The following PCDH10 variants were observed in gnomAD, a reference collection of about 807,000 sequenced individuals.
The protein encoded by PCDH10 is protocadherin-10.
In PCDH10, 15 loss-of-function variants were observed where a neutral mutation model predicts 74.4. The observed-to-expected ratio is 0.20, with a 90% confidence interval of 0.13 to 0.31. The LOEUF is 0.31. PCDH10 is among the 10% of genes least tolerant of loss of function. PCDH10 has a pLI of 1.00. For synonymous variants in PCDH10, 619 were observed against 589.8 expected (o/e 1.05, Z -0.72); for missense variants, 1,260 against 1,390.2 (o/e 0.91, Z 1.49).
In PCDH10 at chr4:133,160,128, TATTG is replaced by T. The variant is rs530849666; in HGVS notation, c.2798-2845_2798-2842del. Among the ~76,000 whole-genome samples the T allele has an allele frequency of 3.2e-3, 486 of 152,094 alleles. 1 individual carries two copies. Among genetic ancestry groups the T allele is most frequent in the Admixed American group, 4.2e-3 (64 of 15,282 alleles). On this transcript the variant is annotated intron_variant, in intron 3 of 4. Coordinates refer to ENST00000264360, the MANE Select transcript of PCDH10 (RefSeq NM_032961.3). Reference sequence around the variant, plus strand: ...ATTTTTCTGTTACTTATCTGAAGTTTATTGATTTACTATTTACGTTGTTTTAAAT... The same window carrying T: ...ATTTTTCTGTTACTTATCTGAAGTTTATTTACTATTTACGTTGTTTTAAAT...
chr4:133,176,926 A>G (rs1037096884), intron 4 of PCDH10, among the ~76,000 whole-genome samples: 2 of 152,128 alleles, frequency 1.3e-5, no homozygotes, highest in Non-Finnish European at 2.9e-5. Flanking sequence ...GAAATAGCAT[A>G]TTATATTTGA....
intron 4 of PCDH10, among the ~76,000 whole-genome samples, chr4:133,180,144 T>C (rs1473090490): frequency 6.6e-6 from 1 of 152,078 alleles, no homozygotes; most frequent in Non-Finnish European, 1.5e-5. Context: ...TTTAAGCTCA[T>C]GTTTCACCAT....
At chr4:133,170,981 A>G (rs1727190052) in intron 4 of PCDH10, among the ~76,000 whole-genome samples, 2 of 146,146 alleles carry the variant, frequency 1.4e-5, no homozygotes, top group Admixed American at 6.8e-5. Context: ...CAGGTAGTCT[A>G]TTTTTTTTTT....
Position 133,162,973 on chromosome 4 carries a change from A to C in PCDH10, c.2798-4A>C. On this transcript the variant is annotated splice_polypyrimidine_tract_variant and splice_region_variant and intron_variant, in intron 3 of 4. Coordinates refer to ENST00000264360, the MANE Select transcript of PCDH10 (RefSeq NM_032961.3). ...CATCCGTAGTTTCTGTTTTCTGCTT[A>C]CAGGTATGGATCTCTTCTCCAATTG... 3 of 1,603,614 alleles carry C rather than the reference A, an allele frequency of 1.9e-6. No individual in the cohort carries two copies. Among genetic ancestry groups the C allele is most frequent in the Non-Finnish European group, 2.6e-6 (3 of 1,172,142 alleles).
At chr4:133,154,413 G>A (rs1726815024) in intron 2 of PCDH10, 48 bp downstream of exon 2, 3 of 1,050,806 alleles carry the variant, frequency 2.9e-6, no homozygotes, top group Non-Finnish European at 4.3e-6. Context: ...TTACAACCTA[G>A]TAAAAGTAGG....
At chr4:133,171,362 C>T (rs867123428) in intron 4 of PCDH10, among the ~76,000 whole-genome samples, 1 of 152,106 alleles carries the variant, frequency 6.6e-6, no homozygotes, top group African/African-American at 2.4e-5. Context: ...TATTTTTCAA[C>T]TAAGTTTCTT....
chr4:133,157,235 T>G (rs1246212101), intron 3 of PCDH10, among the ~76,000 whole-genome samples: 6 of 152,218 alleles, frequency 3.9e-5, no homozygotes, highest in African/African-American at 1.4e-4. Context: ...TGCAATCAGA[T>G]TTAATGTCTA....
intron 2 of PCDH10, among the ~76,000 whole-genome samples, chr4:133,200,857 A>T (rs1727894782): frequency 1.3e-5 from 2 of 152,192 alleles, no homozygotes; most frequent in Admixed American, 1.3e-4. Context: ...GATATTTGAA[A>T]ATATACAAAT....
intron 3 of PCDH10, among the ~76,000 whole-genome samples, chr4:133,155,843 T>C (rs1175392217): frequency 6.6e-6 from 1 of 152,208 alleles, no homozygotes; most frequent in African/African-American, 2.4e-5. Flanking sequence ...AAATAAAATA[T>C]GTATGTTAAA....
intron 4 of PCDH10, among the ~76,000 whole-genome samples, chr4:133,186,468 A>G (rs1727543487): frequency 6.6e-6 from 1 of 152,176 alleles, no homozygotes; most frequent in Non-Finnish European, 1.5e-5. Context: ...AAATCCTCCA[A>G]GCATGCTTTG....
At chr4:133,175,858 A>C (rs1337330408) in intron 4 of PCDH10, among the ~76,000 whole-genome samples, 1 of 152,098 alleles carries the variant, frequency 6.6e-6, no homozygotes, top group Admixed American at 6.6e-5. Context: ...CCTTCTCCAA[A>C]CCTTATGCAA....
intron 3 of PCDH10, among the ~76,000 whole-genome samples, chr4:133,160,614 C>T (rs1039884784): frequency 2.7e-4 from 41 of 149,268 alleles, no homozygotes; most frequent in African/African-American, 8.6e-4. Flanking sequence ...AAGCAGTATC[C>T]TAATATATGT....
chr4:133,199,953 A>G (rs1369010320), intron 2 of PCDH10, among the ~76,000 whole-genome samples: 2 of 150,962 alleles, frequency 1.3e-5, no homozygotes, highest in Non-Finnish European at 3.0e-5. Context: ...GCACGCCGCC[A>G]CGCCCAGCTA....
intron 4 of PCDH10, among the ~76,000 whole-genome samples, chr4:133,185,169 CATATAAATAAAT>C (rs1727516937): frequency 6.8e-6 from 1 of 147,656 alleles, no homozygotes; most frequent in Non-Finnish European, 1.5e-5. Flanking sequence ...TATATTTACA[CATATAAATAAAT>C]ATATAAATAT....
intron 3 of PCDH10, among the ~76,000 whole-genome samples, chr4:133,159,704 T>C (rs571088988): frequency 1.3e-5 from 2 of 152,108 alleles, no homozygotes; most frequent in East Asian, 3.9e-4. Context: ...TGAGTTTTGG[T>C]CTGTAATTTT....
intron 3 of PCDH10, among the ~76,000 whole-genome samples, chr4:133,162,663 T>G (rs1260599343): frequency 6.6e-6 from 1 of 152,202 alleles, no homozygotes; most frequent in African/African-American, 2.4e-5. Flanking sequence ...CCATTTTTAT[T>G]CACCATTTCC....
chr4:133,154,285 G>A (rs1235628908), intron 1 of PCDH10, 22 bp from the exon 2 acceptor site: 2 of 1,566,026 alleles, frequency 1.3e-6, no homozygotes, highest in South Asian at 2.3e-5. Flanking sequence ...AAATGCTCTT[G>A]ATTTATTTAT....
chr4:133,153,166 C>G, intron 1 of PCDH10: 7 of 1,135,988 alleles, frequency 6.2e-6, no homozygotes, highest in Non-Finnish European at 7.6e-6. Flanking sequence ...CTGTCCCAGG[C>G]ATTAATAAAG....
At chr4:133,202,241 A>G (rs1168104745) in intron 2 of PCDH10, among the ~76,000 whole-genome samples, 1 of 152,164 alleles carries the variant, frequency 6.6e-6, no homozygotes, top group African/African-American at 2.4e-5. Flanking sequence ...GCATTATTGC[A>G]GAGAATACAG....
Sources: gnomAD v4.1 joint callset for allele counts (sites outside exome capture counted in the v4.1 genomes callset) on GRCh38, gnomAD v4.1.1 for gene constraint, MANE v1.5 for transcripts, NCBI Gene and HGNC (gene_info 2026-07-23, HGNC 2026-07-21) for gene names.